Variants in CDHR2 observed in about 807,000 individuals in gnomAD.
CDHR2 encodes cadherin related family member 2, also known as cadherin-related family member 2.
CDHR2 carries 104 observed loss-of-function variants against 138.6 expected under a neutral mutation model. That is an observed-to-expected ratio of 0.75 (90% CI 0.64 to 0.88). The LOEUF (loss-of-function observed/expected upper bound fraction) is 0.88. CDHR2 is among the 40% of genes least tolerant of loss of function. CDHR2 has a pLI of 0.00. For missense variants in CDHR2, 1,624 were observed against 1,727.6 expected (o/e 0.94, Z 1.06); for synonymous variants, 755 against 742.8 (o/e 1.02, Z -0.27).
At chr5:176,550,735 G>A (rs964226808) in intron 1 of CDHR2, among the ~76,000 whole-genome samples, 1 of 152,162 alleles carries the variant, frequency 6.6e-6, no homozygotes, top group African/African-American at 2.4e-5. Context: ...CACCCCGGGG[G>A]CTCCCCACAC....
At chr5:176,572,115 G>A (rs1489925338) in intron 6 of CDHR2, among the ~76,000 whole-genome samples, 3 of 151,680 alleles carry the variant, frequency 2.0e-5, no homozygotes, top group African/African-American at 7.3e-5. Context: ...CGGGTGCCGT[G>A]GCTCACTCCT....
intron 1 of CDHR2, among the ~76,000 whole-genome samples, chr5:176,556,992 T>G (rs1757844316): frequency 1.2e-5 from 1 of 86,666 alleles, no homozygotes; most frequent in Non-Finnish European, 2.2e-5. Context: ...TCTTCCTTCC[T>G]TCCTTCTTTC....
At chr5:176,570,670 C>T (rs529086329) in intron 5 of CDHR2, among the ~76,000 whole-genome samples, 1 of 152,298 alleles carries the variant, frequency 6.6e-6, no homozygotes, top group African/African-American at 2.4e-5. Flanking sequence ...AAAAAATTAA[C>T]TGCTGGCGTG....
chr5:176,595,469 A>G, intron 31 of CDHR2, 63 bp from the exon 32 acceptor site: 2 of 1,483,326 alleles, frequency 1.3e-6, no homozygotes, highest in Non-Finnish European at 1.8e-6. Flanking sequence ...CCACTCCCCT[A>G]GGGCCTGGGG....
At chr5:176,569,867 C>T (rs767931792) in intron 5 of CDHR2, among the ~76,000 whole-genome samples, 1 of 151,168 alleles carries the variant, frequency 6.6e-6, no homozygotes, top group Non-Finnish European at 1.5e-5. Context: ...GGCTGAGGCA[C>T]AAGAATCGCT....
At chr5:176,589,981 CT>C in intron 24 of CDHR2, 96 bp from the exon 25 acceptor site, 1 of 986,580 alleles carries the variant, frequency 1.0e-6, no homozygotes, top group Non-Finnish European at 1.6e-6. Flanking sequence ...AGGAGGTGCC[CT>C]TTCTCACTCA....
intron 21 of CDHR2, 59 bp downstream of exon 21, chr5:176,586,901 G>A (rs1758685489): frequency 7.2e-7 from 1 of 1,379,800 alleles, no homozygotes. Flanking sequence ...ACAGGGCTGA[G>A]GCCTTCAGGC....
chr5:176,592,657 G>T, intron 30 of CDHR2, 66 bp from the exon 31 acceptor site: 1 of 1,357,534 alleles, frequency 7.4e-7, no homozygotes, highest in Non-Finnish European at 1.1e-6. Flanking sequence ...TGGAGGTGGT[G>T]GTTCTTGGGC....
At chr5:176,585,542 C>A (rs1758638301) in intron 19 of CDHR2, among the ~76,000 whole-genome samples, 1 of 152,146 alleles carries the variant, frequency 6.6e-6, no homozygotes, top group African/African-American at 2.4e-5. Context: ...TTTAAACAAC[C>A]AGCTTATATA....
rs1331467914 is a variant in CDHR2, at chr5:176,584,562, C to A, written c.2281C>A (p.Pro761Thr). Residue 761 changes from proline to threonine, a missense_variant, in exon 19 of 32, where the codon CCC (proline) becomes ACC (threonine). Pro to Thr is a conservative substitution (Grantham distance 38, BLOSUM62 -1). Transcript: ENST00000261944. ...GTGGGCTGAGGGCTACCTCCGGCTGCCCCCGGACGTGAGCCTGGATTACGA... is the reference window on the plus strand; with the variant it reads ...GTGGGCTGAGGGCTACCTCCGGCTGACCCCGGACGTGAGCCTGGATTACGA... Reference protein sequence around the residue: ...AGWAEGYLRLPPDVSLDYETQ... With the variant: ...AGWAEGYLRLTPDVSLDYETQ... The A allele has an allele frequency of 1.2e-6, 2 of 1,611,202 alleles. No homozygotes were observed. Among genetic ancestry groups the A allele is most frequent in the Non-Finnish European group, 1.7e-6 (2 of 1,178,284 alleles).
rs566189556 is a variant in CDHR2, at chr5:176,595,537, C to T, written c.3798C>T (p.His1266=). 1 of 1,597,598 alleles carries T rather than the reference C, an allele frequency of 6.3e-7. No homozygotes were observed. The highest frequency in any genetic ancestry group is 1.3e-5 in the African/African-American group (1 of 74,328). Residue 1266 remains histidine (H), a synonymous_variant, in exon 32 of 32, where the codon CAC becomes CAT. Transcript: ENST00000261944. ...TCCTCTCCCTCTCCCTGCAGGAGCA[C>T]AGGCCACCACACACACCACCAGAGC... is the stretch of plus-strand genomic sequence containing the variant. ...VDKNSQEIKE[H]RPPHTPPEPD...
chr5:176,588,370 AGT>A (rs947472982), intron 21 of CDHR2, among the ~76,000 whole-genome samples: 26 of 129,710 alleles, frequency 2.0e-4, no homozygotes, highest in African/African-American at 8.4e-4. Flanking sequence ...TATTTGTGTG[AGT>A]GTGTGTGAAT....
Position 176,565,300 on chromosome 5 carries a change from C to T in CDHR2, c.-15-38C>T, listed in dbSNP as rs1758053886. 30 of 1,489,236 alleles carry T rather than the reference C, an allele frequency of 2.0e-5. No individual in the cohort carries two copies. The Middle Eastern group carries it at 5.1e-4, about 25-fold the overall frequency. The allele number at this position is 1,489,236 out of a possible 1,614,324, so 92.3% of individuals were successfully genotyped here. A position where few individuals can be genotyped will look rare whatever the true frequency, so the allele number is the denominator to read the frequency against. ...TGGGAGTCTGCCAAAAGGAGGGAGG[C>T]CTGAGTCCAGGAGCCATTCCCTGAC... On this transcript the variant is annotated intron_variant, in intron 1 of 31. Transcript: ENST00000261944.
chr5:176,588,783 C>T (rs572722715), intron 21 of CDHR2, among the ~76,000 whole-genome samples: 35 of 151,924 alleles, frequency 2.3e-4, no homozygotes, highest in Non-Finnish European at 4.4e-4. Flanking sequence ...AGGATTTCCA[C>T]ATGTGAGGGA....
chr5:176,592,739 G>A lies in CDHR2; in HGVS notation c.3751G>A (p.Asp1251Asn), dbSNP rs556728793. The A allele has an allele frequency of 1.4e-5, 23 of 1,613,806 alleles. No homozygotes were observed. The highest frequency in any genetic ancestry group is 1.3e-4 in the South Asian group (12 of 91,076). Residue 1251 changes from aspartate to asparagine, a missense_variant, in exon 31 of 32, where the codon GAC becomes AAC. By Grantham distance (23) the Asp-to-Asn change is conservative. Coordinates refer to ENST00000261944, the MANE Select transcript of CDHR2 (RefSeq NM_017675.6). ...CTCTTACAGCGTCAACTCCCTGGAC[G>A]ACAACTCTGTGGATGTGGACAAGAA... is the stretch of plus-strand genomic sequence containing the variant. Reference protein sequence around the residue: ...LDSVSVNSLDDNSVDVDKNSQ... With the variant: ...LDSVSVNSLDNNSVDVDKNSQ...
At chr5:176,552,269 C>T (rs1352977345) in intron 1 of CDHR2, among the ~76,000 whole-genome samples, 2 of 152,226 alleles carry the variant, frequency 1.3e-5, no homozygotes, top group Admixed American at 6.5e-5. Flanking sequence ...AACACAGCTC[C>T]ACAGCTGATC....
upstream of CDHR2, among the ~76,000 whole-genome samples, chr5:176,544,441 T>TTCTTTCTC (rs1554140323): frequency 7.8e-5 from 1 of 12,810 alleles, no homozygotes; most frequent in African/African-American, 8.4e-5. Context: ...CTTTCTTTCT[T>TTCTTTCTC]TCTCTCTTTC....
chr5:176,561,978 C>G (rs1048227562), intron 1 of CDHR2, among the ~76,000 whole-genome samples: 2 of 152,054 alleles, frequency 1.3e-5, no homozygotes, highest in African/African-American at 4.8e-5. Context: ...GTGCATCAGC[C>G]AGCAAGGCGG....
intron 30 of CDHR2, 26 bp downstream of exon 30, chr5:176,591,510 C>G (rs1758844702): frequency 6.4e-7 from 1 of 1,561,064 alleles, no homozygotes. Flanking sequence ...CACAGCCAGG[C>G]TAGGTGGTGG....
Sources: allele counts gnomAD v4.1 joint callset (sites outside exome capture counted in the v4.1 genomes callset), GRCh38; gene constraint gnomAD v4.1.1; transcripts MANE v1.5; gene names NCBI Gene and HGNC (gene_info 2026-07-23, HGNC 2026-07-21).